DEF6: variants seen among roughly 807,000 people sequenced by gnomAD.
DEF6 encodes DEF6 guanine nucleotide exchange factor.
In DEF6, 32 loss-of-function variants were observed where a neutral mutation model predicts 80.5. The observed-to-expected ratio is 0.40, with a 90% CI of 0.30 to 0.53. DEF6 has a LOEUF of 0.53. Ranked by LOEUF, DEF6 falls within the 20% of genes least tolerant of loss-of-function variation. The pLI is 0.57. For synonymous variants in DEF6, 300 were observed against 337.9 expected (o/e 0.89, Z 1.23); for missense variants, 575 against 818.7 (o/e 0.70, Z 3.63).
chr6:35,321,329 G>A lies in DEF6; in HGVS notation c.1815G>A (p.Lys605=). Residue 605 remains lysine (K), a synonymous_variant, in exon 11 of 11, where the codon AAG becomes AAA. Coordinates refer to ENST00000316637, the MANE Select transcript of DEF6 (RefSeq NM_022047.4). ...TPSPNSNEQQ[K]SLNGGDEAPA... The stretch of plus-strand genomic sequence containing the variant: ...CGCCCAACAGCAATGAGCAGCAGAA[G>A]TCCCTCAATGGTGGGGATGAGGCTC... The A allele has an allele frequency of 1.2e-6, 2 of 1,614,150 alleles. No individual in the cohort carries two copies. The highest frequency in any genetic ancestry group is 4.5e-5 in the East Asian group (2 of 44,874).
In DEF6 at chr6:35,310,533, GGCAGATA is replaced by G; in HGVS notation, c.316_322del (p.Asp106ThrfsTer28). ...CGCTGACGGCCAAGAAGAACTATCG[GGCAGATA>G]GCAACGGGAACAGTATGCTCTCCAA... On this transcript the variant is annotated frameshift_variant, in exon 3 of 11. Transcript: ENST00000316637. LOFTEE classifies it high-confidence loss of function. 6.2e-7 allele frequency: 1 copy of G among 1,614,138 alleles called. No homozygotes were observed. Among genetic ancestry groups the G allele is most frequent in the Non-Finnish European group, 8.5e-7 (1 of 1,180,032 alleles).
At chr6:35,308,360 T>C (rs1562147830) in intron 1 of DEF6, among the ~76,000 whole-genome samples, 1 of 149,296 alleles carries the variant, frequency 6.7e-6, no homozygotes, top group Non-Finnish European at 1.5e-5. Context: ...TGCAGACCTC[T>C]GTCTCTACCG....
chr6:35,306,758 A>G (rs926619606), intron 1 of DEF6, among the ~76,000 whole-genome samples: 1 of 152,242 alleles, frequency 6.6e-6, no homozygotes, highest in Non-Finnish European at 1.5e-5. Flanking sequence ...TGTAGTATGC[A>G]TATCTTTCAA....
chr6:35,320,679 T>C (rs1312400472), intron 9 of DEF6, among the ~76,000 whole-genome samples: 2 of 152,250 alleles, frequency 1.3e-5, no homozygotes, highest in African/African-American at 2.4e-5. Context: ...ACATTTTATC[T>C]TTTGGAAGTC....
chr6:35,321,339 G>A lies in DEF6; in HGVS notation c.1825G>A (p.Gly609Ser). ...NSNEQQKSLN[G>S]GDEAPAPAST... Reference sequence around the variant, plus strand: ...CAATGAGCAGCAGAAGTCCCTCAATGGTGGGGATGAGGCTCCTGCCCCGGC... The same window carrying A: ...CAATGAGCAGCAGAAGTCCCTCAATAGTGGGGATGAGGCTCCTGCCCCGGC... The change falls in exon 11 of 11, where the codon GGT (glycine) becomes AGT (serine). Residue 609 changes from glycine to serine, a missense_variant. By Grantham distance (56) the Gly-to-Ser change is moderately conservative (BLOSUM62 0). Transcript: ENST00000316637. 6.2e-7 allele frequency: 1 copy of A among 1,614,136 alleles called. No homozygotes were observed. Among genetic ancestry groups the A allele is most frequent in the Non-Finnish European group, 8.5e-7 (1 of 1,180,030 alleles).
At chr6:35,311,447 G>A (rs535096263) in intron 3 of DEF6, among the ~76,000 whole-genome samples, 18 of 152,224 alleles carry the variant, frequency 1.2e-4, no homozygotes, top group Admixed American at 3.3e-4. Flanking sequence ...GGAACCACCC[G>A]AGCCCTGAAC....
chr6:35,315,101 G>A lies in DEF6; in HGVS notation c.807+2329G>A, dbSNP rs188884182. Among the ~76,000 whole-genome samples, 3 of 152,244 alleles carry A rather than the reference G, an allele frequency of 2.0e-5. No homozygotes were observed. The East Asian group carries it at 5.8e-4, about 29-fold the overall frequency. ...CTGTAAATGCATGGATTTATATCTAGGTTATCTATTCTGTTCCATTGGTCT... is the reference window on the plus strand; with the variant it reads ...CTGTAAATGCATGGATTTATATCTAAGTTATCTATTCTGTTCCATTGGTCT... On this transcript the variant is annotated intron_variant, in intron 5 of 10. Coordinates refer to ENST00000316637, the MANE Select transcript of DEF6 (RefSeq NM_022047.4).
At chr6:35,298,407 G>T (rs999808328) in intron 1 of DEF6, among the ~76,000 whole-genome samples, 1 of 151,980 alleles carries the variant, frequency 6.6e-6, no homozygotes, top group Admixed American at 6.5e-5. Flanking sequence ...GAGGCATAAA[G>T]GGGCCGCCCC....
rs1791564628 is a variant in DEF6, at chr6:35,319,641, G to C, written c.1333G>C (p.Glu445Gln). Residue 445 changes from glutamate to glutamine, a missense_variant, in exon 8 of 11, where the codon GAG becomes CAG. Transcript: ENST00000316637. The surrounding 1 kb of genome is among the most constrained non-coding windows in gnomAD (Gnocchi z 4.5). ...GCGGTTGCAGGAGGCCCTGCAACTA[G>C]AGGTGAAAGCTCGGCGAGATGAAGA... ...QQRLQEALQLEVKARRDEESV... is the reference protein window; with the variant it reads ...QQRLQEALQLQVKARRDEESV... 1.9e-6 allele frequency: 3 copies of C among 1,613,882 alleles called. No homozygotes were observed. Among genetic ancestry groups the C allele is most frequent in the Non-Finnish European group, 2.5e-6 (3 of 1,179,838 alleles).
At position 35,321,470 on chromosome 6, in the gene DEF6, C is replaced by T; in HGVS notation, c.*60C>T. On this transcript the variant is annotated 3_prime_UTR_variant, in exon 11 of 11. Coordinates refer to ENST00000316637, the MANE Select transcript of DEF6 (RefSeq NM_022047.4). ...TCCACCAGGACCTGGCCACAGCTGG[C>T]CTGTGGGTGATCCCAGCTCTTACTA... 1 of 1,497,698 alleles carries T rather than the reference C, an allele frequency of 6.7e-7. No homozygotes were observed. Among genetic ancestry groups the T allele is most frequent in the Admixed American group, 1.8e-5 (1 of 55,418 alleles). 92.8% of individuals were successfully genotyped at this position (1,497,698 alleles called of 1,614,324 possible).
chr6:35,310,467 G>A lies in DEF6; in HGVS notation c.246G>A (p.Glu82=), dbSNP rs751346092. The part of the protein sequence containing the change: ...LNKYILDKVE[E]GAFVKEHFDE... ...TGCAGCCCTGGTGGCAGGTGGAGGA[G>A]GGGGCTTTTGTTAAAGAGCACTTTG... Residue 82 remains glutamate, a synonymous_variant, in exon 3 of 11, where the codon GAG becomes GAA. Transcript: ENST00000316637. 7.1e-5 allele frequency: 114 copies of A among 1,613,530 alleles called. No individual in the cohort carries two copies. The highest frequency in any genetic ancestry group is 9.3e-5 in the Non-Finnish European group (110 of 1,180,022).
At chr6:35,310,351 GGCCAGGTGGGGA>G in intron 2 of DEF6, 96 bp from the exon 3 acceptor site, 2 of 1,201,010 alleles carry the variant, frequency 1.7e-6, no homozygotes, top group Non-Finnish European at 2.4e-6. Flanking sequence ...CCCTGGACTT[GGCCAGGTGGGGA>G]GCAGGGGCAT....
chr6:35,314,308 T>C (rs1195738808), intron 5 of DEF6, among the ~76,000 whole-genome samples: 3 of 150,648 alleles, frequency 2.0e-5, no homozygotes, highest in African/African-American at 7.4e-5. Context: ...CTCAGGAGGC[T>C]GAGGCAGGAG....
At chr6:35,298,044 AG>A in intron 1 of DEF6, 92 bp downstream of exon 1, 1 of 1,128,902 alleles carries the variant, frequency 8.9e-7, no homozygotes, top group Non-Finnish European at 1.3e-6. Flanking sequence ...GTGCCACTCC[AG>A]GGGCACCCAG....
intron 3 of DEF6, among the ~76,000 whole-genome samples, chr6:35,310,914 G>T (rs1791458214): frequency 6.6e-6 from 1 of 152,136 alleles, no homozygotes; most frequent in South Asian, 2.1e-4. Context: ...TGCAAATTCT[G>T]TTTACACAGA....
intron 9 of DEF6, 70 bp from the exon 10 acceptor site, chr6:35,320,814 C>A (rs1791581617): frequency 2.8e-6 from 4 of 1,414,874 alleles, no homozygotes; most frequent in Non-Finnish European, 2.9e-6. Flanking sequence ...AGCCTGCGAA[C>A]CTGAAAAGAT....
In DEF6 at chr6:35,321,286, A is replaced by G. The variant is rs773357034; in HGVS notation, c.1772A>G (p.Gln591Arg). 2 of 1,613,810 alleles carry G rather than the reference A, an allele frequency of 1.2e-6. No homozygotes were observed. The highest frequency in any genetic ancestry group is 2.2e-5 in the South Asian group (2 of 91,056). ...SLKRLTRWGSQGNRTPSPNSN... is the reference protein window; with the variant it reads ...SLKRLTRWGSRGNRTPSPNSN... ...AAGCGCCTGACCCGCTGGGGATCCCAGGGCAACAGGACCCCCTCGCCCAAC... is the reference window on the plus strand; with the variant it reads ...AAGCGCCTGACCCGCTGGGGATCCCGGGGCAACAGGACCCCCTCGCCCAAC... Residue 591 changes from glutamine to arginine, a missense_variant, in exon 11 of 11, where the codon CAG becomes CGG. Gln to Arg is a conservative substitution (Grantham distance 43). Transcript: ENST00000316637.
chr6:35,307,714 G>A (rs571208672), intron 1 of DEF6, among the ~76,000 whole-genome samples: 1 of 152,266 alleles, frequency 6.6e-6, no homozygotes, highest in South Asian at 2.1e-4. Context: ...ACTGCCCAGA[G>A]GGAAATGAGG....
chr6:35,311,647 C>T lies in DEF6; in HGVS notation c.424-655C>T, dbSNP rs1293551451. Among the ~76,000 whole-genome samples, 4 of 152,332 alleles carry T rather than the reference C, an allele frequency of 2.6e-5. No individual in the cohort carries two copies. The East Asian group carries it at 7.7e-4, about 29-fold the overall frequency. ...TCGGAGGCCAGGAGGTTGTTTGCTT[C>T]TGCGATCAACATACAGAGTTAACAA... On this transcript the variant is annotated intron_variant, in intron 3 of 10. Transcript: ENST00000316637.
Sources: gnomAD v4.1 joint callset for allele counts (sites outside exome capture counted in the v4.1 genomes callset) on GRCh38, gnomAD v4.1.1 for gene constraint, Gnocchi (gnomAD v3.1) non-coding constraint, MANE v1.5 for transcripts, NCBI Gene and HGNC (gene_info 2026-07-23, HGNC 2026-07-21) for gene names.